SLC22A14: variants seen among roughly 807,000 people sequenced by gnomAD.
SLC22A14 encodes the protein organic cation transporter-like 4.
Under a neutral mutation model 53.9 loss-of-function variants are expected in SLC22A14, and 50 were observed. The observed-to-expected ratio is 0.93, with a 90% CI of 0.74 to 1.17. SLC22A14 has a LOEUF of 1.17. Among genes scored for constraint, SLC22A14 ranks in the 50% most tolerant of loss-of-function variants. The pLI is 0.00. For synonymous variants in SLC22A14, 312 were observed against 303.0 expected, an observed-to-expected ratio of 1.03 and a Z score of -0.31; for missense variants, 671 against 734.7, an observed-to-expected ratio of 0.91 and a Z score of 1.00.
chr3:38,315,784 A>G (rs1339800009), intron 9 of SLC22A14, 73 bp downstream of exon 9: 16 of 1,458,826 alleles, frequency 1.1e-5, no homozygotes, highest in East Asian at 6.9e-5. Flanking sequence ...TAATGCAGCA[A>G]CTAAGACAAG....
chr3:38,294,383 T>C (rs1348354549), intron 1 of SLC22A14, among the ~76,000 whole-genome samples: 1 of 152,220 alleles, frequency 6.6e-6, no homozygotes. Context: ...GATGGTGTTA[T>C]AATTTATACT....
rs182394917 is a variant in SLC22A14, at chr3:38,283,961, G to A, written c.-1+1622G>A. Among the ~76,000 whole-genome samples the A allele has an allele frequency of 2.0e-3, 309 of 152,324 alleles. 1 individual carries two copies. Among genetic ancestry groups the A allele is most frequent in the Admixed American group, 8.6e-3 (131 of 15,308 alleles). On this transcript the variant is annotated intron_variant, in intron 1 of 10. Coordinates refer to ENST00000448498, the MANE Select transcript of SLC22A14 (RefSeq NM_001320033.2). ...TGTCCCATTGGCCAAACTTCAAAAAGAAAATGCTGCATTTATGTGAAATCA... is the reference window on the plus strand; with the variant it reads ...TGTCCCATTGGCCAAACTTCAAAAAAAAAATGCTGCATTTATGTGAAATCA...
intron 1 of SLC22A14, among the ~76,000 whole-genome samples, chr3:38,301,522 G>A (rs1235892928): frequency 6.6e-6 from 1 of 152,142 alleles, no homozygotes; most frequent in Non-Finnish European, 1.5e-5. Flanking sequence ...TGACTTTTAT[G>A]TATTCACATT....
chr3:38,294,182 A>AG (rs1703974316), intron 1 of SLC22A14, among the ~76,000 whole-genome samples: 1 of 137,142 alleles, frequency 7.3e-6, no homozygotes, highest in Non-Finnish European at 1.6e-5. Context: ...TTTGGGTTGA[A>AG]GGGGGGTTCT....
chr3:38,316,266 C>G, intron 9 of SLC22A14, 58 bp from the exon 10 acceptor site: 1 of 1,512,478 alleles, frequency 6.6e-7, no homozygotes, highest in Non-Finnish European at 9.2e-7. Flanking sequence ...AGCTGCTGGC[C>G]CTGCCCAGCC....
At chr3:38,302,486 G>A (rs1163507826) in intron 1 of SLC22A14, among the ~76,000 whole-genome samples, 3 of 151,482 alleles carry the variant, frequency 2.0e-5, no homozygotes, top group East Asian at 1.9e-4. Context: ...ACAAGACCTC[G>A]TCTCTACAAA....
intron 1 of SLC22A14, among the ~76,000 whole-genome samples, chr3:38,286,732 T>TTTG (rs58082982): frequency 0.066 from 9,939 of 150,154 alleles, 406 homozygotes; most frequent in East Asian, 0.16. Flanking sequence ...TGGGTTTTTT[T>TTTG]TTTGTTTGTT....
intron 10 of SLC22A14, among the ~76,000 whole-genome samples, chr3:38,317,095 A>C (rs375546322): frequency 3.2e-4 from 49 of 152,316 alleles, no homozygotes; most frequent in African/African-American, 1.2e-3. Context: ...TGGCAGGACC[A>C]TTCCTTCTGG....
intron 1 of SLC22A14, among the ~76,000 whole-genome samples, chr3:38,283,817 G>A (rs752451939): frequency 2.6e-5 from 4 of 152,094 alleles, no homozygotes; most frequent in African/African-American, 4.8e-5. Flanking sequence ...GTGACAGACC[G>A]AGATTCTGTC....
chr3:38,285,723 T>C (rs1703777180), intron 1 of SLC22A14, among the ~76,000 whole-genome samples: 1 of 152,202 alleles, frequency 6.6e-6, no homozygotes, highest in African/African-American at 2.4e-5. Flanking sequence ...TTTTTCACAG[T>C]TGAAAAGTGT....
At chr3:38,279,673 T>G (rs373494637), upstream of SLC22A14, among the ~76,000 whole-genome samples, 38 of 151,776 alleles carry the variant, frequency 2.5e-4, no homozygotes, top group East Asian at 5.0e-3. Context: ...AAGTGTCCTG[T>G]GGTTTGCTCT....
intron 1 of SLC22A14, among the ~76,000 whole-genome samples, chr3:38,283,128 C>T (rs1023936880): frequency 3.3e-5 from 5 of 152,026 alleles, no homozygotes; most frequent in African/African-American, 9.7e-5. Flanking sequence ...TCAAAGCCAC[C>T]GACGGCTGCC....
intron 1 of SLC22A14, among the ~76,000 whole-genome samples, chr3:38,282,763 T>A (rs538459185): frequency 6.6e-6 from 1 of 152,056 alleles, no homozygotes; most frequent in African/African-American, 2.4e-5. Flanking sequence ...GGGAGGCTGG[T>A]ACAGATGGCT....
intron 1 of SLC22A14, among the ~76,000 whole-genome samples, chr3:38,291,872 G>A (rs997779352): frequency 9.9e-5 from 15 of 152,168 alleles, no homozygotes; most frequent in African/African-American, 2.4e-4. Flanking sequence ...TGGCTATTTC[G>A]CCATACCTGG....
intron 4 of SLC22A14, 26 bp from the exon 5 acceptor site, chr3:38,308,928 G>A (rs372958136): frequency 6.2e-6 from 10 of 1,610,064 alleles, no homozygotes; most frequent in Non-Finnish European, 8.5e-6. Context: ...CGTAACCATG[G>A]TTTTGTCCTC....
In SLC22A14 at chr3:38,313,402, A is replaced by G. The variant is rs369861143; in HGVS notation, c.1080A>G (p.Arg360=). 19 of 1,613,504 alleles carry G rather than the reference A, an allele frequency of 1.2e-5. No individual in the cohort carries two copies. Among genetic ancestry groups the G allele is most frequent in the Non-Finnish European group, 1.5e-5 (18 of 1,179,480 alleles). Residue 360 remains arginine (R), a synonymous_variant, in exon 7 of 11, where the codon AGA becomes AGG. Transcript: ENST00000448498. ...TTGTTCTGTAGCTGCAGCTGCCCAG[A>G]AAGAAGGTGACTCGGGCCTCTGTCC... ...SNLLDELQLP[R]KKVTRASVLD... is the part of the protein sequence containing the mutation.
At chr3:38,282,522 C>G (rs1273852382) in intron 1 of SLC22A14, among the ~76,000 whole-genome samples, 183 bp downstream of exon 1, 1 of 152,168 alleles carries the variant, frequency 6.6e-6, no homozygotes, top group East Asian at 1.9e-4. Flanking sequence ...GCTGCCCTCC[C>G]AGAAAGCGTG....
At chr3:38,286,062 G>A (rs915971831) in intron 1 of SLC22A14, among the ~76,000 whole-genome samples, 5 of 152,088 alleles carry the variant, frequency 3.3e-5, no homozygotes, top group Admixed American at 6.5e-5. Flanking sequence ...GAGAAAACCC[G>A]TCCTACCCAG....
chr3:38,283,504 G>A (rs190557141), intron 1 of SLC22A14, among the ~76,000 whole-genome samples: 36 of 152,188 alleles, frequency 2.4e-4, no homozygotes, highest in Admixed American at 3.3e-4. Context: ...AAATGGTGCT[G>A]GGCTCTGCTG....
Sources: gnomAD v4.1 joint callset for allele counts (sites outside exome capture counted in the v4.1 genomes callset) on GRCh38, gnomAD v4.1.1 for gene constraint, MANE v1.5 for transcripts, NCBI Gene and HGNC (gene_info 2026-07-23, HGNC 2026-07-21) for gene names.